Variants in SLC20A2 observed in about 807,000 individuals in gnomAD.
SLC20A2 encodes the protein solute carrier family 20 member 2.
A neutral mutation model predicts 61.0 loss-of-function variants in SLC20A2; 30 were observed. The ratio of observed to expected loss-of-function variants is 0.49; its 90% CI spans 0.37 to 0.67. The LOEUF is 0.67. SLC20A2 is among the 30% of genes least tolerant of loss of function. The pLI, the probability that SLC20A2 is intolerant of heterozygous loss-of-function variation, is 0.00. For synonymous variants in SLC20A2, 351 were observed against 353.3 expected (o/e 0.99, Z 0.07); for missense variants, 626 against 866.4 (o/e 0.72, Z 3.48).
chr8:42,541,953 C>G (rs1280362000), upstream of SLC20A2: 2 of 152,184 alleles, frequency 1.3e-5, no homozygotes, highest in Admixed American at 1.3e-4. Context: ...GGCGGCCCAT[C>G]TGCCGGGGCG....
chr8:42,476,994 G>A (rs1808164986), intron 1 of SLC20A2, among the ~76,000 whole-genome samples: 1 of 151,892 alleles, frequency 6.6e-6, no homozygotes, highest in African/African-American at 2.4e-5. Flanking sequence ...AAACGCAAAG[G>A]CCAAAGCTCA....
Position 42,511,043 on chromosome 8 carries a change from G to A in SLC20A2, c.-265+30778C>T, listed in dbSNP as rs528763530. On this transcript the variant is annotated intron_variant, in intron 1 of 10. Coordinates refer to the SLC20A2 transcript ENST00000342228. ...TAGGTCCCCTTGCTACCTATTTCAGGTAGACAGGGAACTTGCAGGGTATGC... is the reference window on the plus strand; with the variant it reads ...TAGGTCCCCTTGCTACCTATTTCAGATAGACAGGGAACTTGCAGGGTATGC... 3.9e-4 allele frequency among the ~76,000 whole-genome samples: 59 copies of A among 152,168 alleles called. No individual in the cohort carries two copies. The South Asian group carries it at 0.012, about 31-fold the overall frequency.
chr8:42,497,067 C>T (rs1271825062), intron 1 of SLC20A2, among the ~76,000 whole-genome samples: 3 of 152,222 alleles, frequency 2.0e-5, no homozygotes, highest in Non-Finnish European at 4.4e-5. Flanking sequence ...TTGAGAGGAA[C>T]ACTGTCTTAG....
chr8:42,490,628 GATTT>G (rs371444551), intron 1 of SLC20A2, among the ~76,000 whole-genome samples: 30 of 151,880 alleles, frequency 2.0e-4, no homozygotes, highest in Non-Finnish European at 3.7e-4. Flanking sequence ...CCAAACTCTG[GATTT>G]ATTTAATTGT....
At chr8:42,499,377 A>G (rs1273245584) in intron 1 of SLC20A2, among the ~76,000 whole-genome samples, 3 of 152,186 alleles carry the variant, frequency 2.0e-5, no homozygotes, top group Admixed American at 2.0e-4. Context: ...ACTAACACTT[A>G]TATAATGAAA....
At chr8:42,443,263 G>C (rs1439211095) in intron 6 of SLC20A2, among the ~76,000 whole-genome samples, 6 of 28,146 alleles carry the variant, frequency 2.1e-4, no homozygotes, top group Middle Eastern at 0.056. Context: ...TATTATTATA[G>C]GATATATATA....
At chr8:42,521,729 A>G (rs1811626968) in intron 1 of SLC20A2, among the ~76,000 whole-genome samples, 1 of 120,902 alleles carries the variant, frequency 8.3e-6, no homozygotes, top group African/African-American at 2.5e-5. Flanking sequence ...GGCTCAAGCG[A>G]TCCTCCTGCC....
chr8:42,462,732 G>C (rs573665489), intron 4 of SLC20A2, among the ~76,000 whole-genome samples: 112 of 151,998 alleles, frequency 7.4e-4, no homozygotes, highest in African/African-American at 2.7e-3. Context: ...TCCTTTTTGA[G>C]GTCTCAGCAC....
chr8:42,471,194 AT>A (rs1349588934), intron 2 of SLC20A2: 3 of 456,022 alleles, frequency 6.6e-6, no homozygotes, highest in African/African-American at 2.0e-5. Flanking sequence ...TTGTGTCGTC[AT>A]CTCTACCTAG....
At chr8:42,487,847 ACTC>A (rs1421955226) in intron 1 of SLC20A2, among the ~76,000 whole-genome samples, 5 of 152,000 alleles carry the variant, frequency 3.3e-5, no homozygotes, top group Non-Finnish European at 5.9e-5. Flanking sequence ...CAGCCACAGA[ACTC>A]CTTTCATTTT....
intron 1 of SLC20A2, chr8:42,484,853 G>T: frequency 2.9e-6 from 1 of 344,032 alleles, no homozygotes. Context: ...TGGGTGTTCT[G>T]CTTGCTGGTC....
At chr8:42,486,766 G>T (rs117399929) in intron 1 of SLC20A2, among the ~76,000 whole-genome samples, 2,711 of 152,346 alleles carry the variant, frequency 0.018, 25 homozygotes, top group Non-Finnish European at 0.028. Flanking sequence ...ACTGCAGTAT[G>T]TCTGTGTTTA....
At chr8:42,496,469 G>C (rs1392887869) in intron 1 of SLC20A2, among the ~76,000 whole-genome samples, 2 of 152,156 alleles carry the variant, frequency 1.3e-5, no homozygotes, top group African/African-American at 2.4e-5. Flanking sequence ...AGATGAATAG[G>C]GGACTCCTAG....
At chr8:42,505,129 G>A (rs1810587237), upstream of SLC20A2, among the ~76,000 whole-genome samples, 1 of 148,314 alleles carries the variant, frequency 6.7e-6, no homozygotes, top group African/African-American at 2.5e-5. Context: ...TTTTAATTGA[G>A]AAGATGTCTC....
At chr8:42,455,257 T>TATATATATATAGAGAGAGAGAG (rs1357416749) in intron 5 of SLC20A2, among the ~76,000 whole-genome samples, 4 of 81,618 alleles carry the variant, frequency 4.9e-5, no homozygotes, top group African/African-American at 1.8e-4. Context: ...TATATATATA[T>TATATATATATAGAGAGAGAGAG]AGAGAGAGAG....
At chr8:42,465,500 T>TG (rs968877242) in intron 3 of SLC20A2, among the ~76,000 whole-genome samples, 1 of 151,846 alleles carries the variant, frequency 6.6e-6, no homozygotes, top group African/African-American at 2.4e-5. Flanking sequence ...AAGACCATCC[T>TG]GGCCAACATG....
chr8:42,490,117 G>A (rs7834047), intron 1 of SLC20A2, among the ~76,000 whole-genome samples: 2,592 of 152,224 alleles, frequency 0.017, 57 homozygotes, highest in African/African-American at 0.047. Flanking sequence ...TAGTTAGTGG[G>A]GAGATAGAAA....
intron 1 of SLC20A2, among the ~76,000 whole-genome samples, chr8:42,520,829 A>C (rs1811599245): frequency 8.2e-6 from 1 of 121,360 alleles, no homozygotes; most frequent in African/African-American, 2.5e-5. Flanking sequence ...TCCCCACAAG[A>C]AAAAGCTCAA....
intron 2 of SLC20A2, among the ~76,000 whole-genome samples, chr8:42,467,466 C>T (rs905617693): frequency 1.3e-4 from 20 of 152,208 alleles, no homozygotes; most frequent in Admixed American, 4.6e-4. Flanking sequence ...AAGGGCCTGG[C>T]TGATAAGCTG....
Sources: allele counts gnomAD v4.1 joint callset (sites outside exome capture counted in the v4.1 genomes callset), GRCh38; gene constraint gnomAD v4.1.1; transcripts MANE v1.5; gene names NCBI Gene and HGNC (gene_info 2026-07-23, HGNC 2026-07-21).